The following FBXO15 variants were observed in gnomAD, a reference collection of about 807,000 sequenced individuals.
FBXO15 encodes the protein F-box only protein 15.
Under a neutral mutation model 49.5 loss-of-function variants are expected in FBXO15, and 30 were observed. That is an observed-to-expected ratio of 0.61 (90% CI 0.45 to 0.82). The LOEUF (loss-of-function observed/expected upper bound fraction) is 0.82. FBXO15 is among the 40% of genes least tolerant of loss of function. The pLI is 0.00. For missense variants in FBXO15, 591 were observed against 631.5 expected (o/e 0.94, Z 0.69); for synonymous variants, 250 against 232.7 (o/e 1.07, Z -0.68).
At chr18:74,115,685 T>C (rs893680661) in intron 8 of FBXO15, among the ~76,000 whole-genome samples, 1 of 152,238 alleles carries the variant, frequency 6.6e-6, no homozygotes, top group Non-Finnish European at 1.5e-5. Context: ...AAGAAATACA[T>C]ATGTATCTTT....
intron 8 of FBXO15, among the ~76,000 whole-genome samples, chr18:74,084,492 T>G (rs755293891): frequency 6.6e-6 from 1 of 152,250 alleles, no homozygotes; most frequent in African/African-American, 2.4e-5. Context: ...ATACTGCTGA[T>G]AGTTTCACAA....
At chr18:74,147,534 T>G (rs1979515317) in intron 1 of FBXO15, 136 bp downstream of exon 1, 1 of 1,283,792 alleles carries the variant, frequency 7.8e-7, no homozygotes, top group East Asian at 3.1e-5. Flanking sequence ...CGGTCGTTCT[T>G]CCATACCCTT....
intron 8 of FBXO15, among the ~76,000 whole-genome samples, chr18:74,087,487 G>A (rs1024281393): frequency 2.0e-5 from 3 of 152,076 alleles, no homozygotes; most frequent in Non-Finnish European, 1.5e-5. Context: ...AAGAACATAC[G>A]GTATTTTGTT....
At chr18:74,143,524 C>CCAGGAATT (rs1192337222) in intron 1 of FBXO15, among the ~76,000 whole-genome samples, 1 of 152,232 alleles carries the variant, frequency 6.6e-6, no homozygotes, top group African/African-American at 2.4e-5. Context: ...CTCTTTTAAG[C>CCAGGAATT]CAGGAATTCC....
Position 74,146,877 on chromosome 18 carries a change from T to C in FBXO15, c.116+793A>G, listed in dbSNP as rs1365666810. Among the ~76,000 whole-genome samples the C allele has an allele frequency of 3.3e-5, 5 of 152,266 alleles. No individual in the cohort carries two copies. In the East Asian group the frequency reaches 7.7e-4, roughly 24 times the overall value. The stretch of plus-strand genomic sequence containing the variant: ...TTAGAAGGCAAAATATGCATGACTT[T>C]CCCTATTTATAAATCAAGGAGTCTT... On this transcript the variant is annotated intron_variant, in intron 1 of 9. Coordinates refer to ENST00000419743, the MANE Select transcript of FBXO15 (RefSeq NM_001142958.2).
At chr18:74,101,790 A>G (rs2145146860) in intron 8 of FBXO15, among the ~76,000 whole-genome samples, 1 of 152,314 alleles carries the variant, frequency 6.6e-6, no homozygotes, top group East Asian at 1.9e-4. Context: ...GGAACAGAAT[A>G]GAGAATCCAG....
chr18:74,098,742 A>G (rs954536916), intron 8 of FBXO15: 1 of 152,242 alleles, frequency 6.6e-6, no homozygotes, highest in African/African-American at 2.4e-5. Flanking sequence ...AGACCTAGAC[A>G]TCCAAATATA....
chr18:74,116,444 A>T (rs184917289), intron 8 of FBXO15, among the ~76,000 whole-genome samples: 1 of 152,186 alleles, frequency 6.6e-6, no homozygotes, highest in Non-Finnish European at 1.5e-5. Context: ...TGGTGGACTT[A>T]ATTGGAGCAT....
chr18:74,138,208 A>G (rs1192887613), intron 2 of FBXO15, among the ~76,000 whole-genome samples: 1 of 152,144 alleles, frequency 6.6e-6, no homozygotes, highest in Non-Finnish European at 1.5e-5. Flanking sequence ...ACAAAAGAAA[A>G]CAAAACACTT....
intron 8 of FBXO15, among the ~76,000 whole-genome samples, chr18:74,111,093 C>A (rs1385367172): frequency 6.6e-6 from 1 of 151,760 alleles, no homozygotes; most frequent in Non-Finnish European, 1.5e-5. Context: ...CATCATACAA[C>A]AAGAGCAGAA....
Position 74,147,725 on chromosome 18 carries a change from C to T in FBXO15, c.61G>A (p.Gly21Arg). 1.3e-6 allele frequency: 2 copies of T among 1,534,556 alleles called. No homozygotes were observed. The highest frequency in any genetic ancestry group is 2.4e-5 in the South Asian group (2 of 83,098). Residue 21 changes from glycine (G) to arginine (R), a missense_variant, in exon 1 of 10, where the codon GGG becomes AGG. Physicochemically the swap from Gly to Arg is moderately radical, Grantham distance 125. Coordinates refer to ENST00000419743, the MANE Select transcript of FBXO15 (RefSeq NM_001142958.2). Reference protein sequence around the residue: ...QHWLGLQTLRGPSRGGGAARG... With the variant: ...QHWLGLQTLRRPSRGGGAARG... ...GCCGCGCCACCGCCCCTGCTGGGCC[C>T]GCGCAGCGTCTGGAGGCCGAGCCAG...
At chr18:74,116,996 A>C (rs1914260517) in intron 8 of FBXO15, among the ~76,000 whole-genome samples, 1 of 152,134 alleles carries the variant, frequency 6.6e-6, no homozygotes, top group Non-Finnish European at 1.5e-5. Context: ...ATAGGGAGAA[A>C]GGCTTTTTTA....
chr18:74,093,046 A>G (rs767326866), intron 8 of FBXO15, among the ~76,000 whole-genome samples: 5 of 152,084 alleles, frequency 3.3e-5, no homozygotes, highest in African/African-American at 1.2e-4. Context: ...ACCTCCATGC[A>G]TGTGTTCATA....
intron 1 of FBXO15, among the ~76,000 whole-genome samples, chr18:74,143,343 T>C (rs1979205382): frequency 6.6e-6 from 1 of 152,206 alleles, no homozygotes; most frequent in South Asian, 2.1e-4. Context: ...GATGGATCAA[T>C]TTTAATCTAG....
At chr18:74,118,413 CAT>C (rs35545136) in intron 8 of FBXO15, among the ~76,000 whole-genome samples, 32,781 of 139,804 alleles carry the variant, frequency 0.23, 5,558 homozygotes, top group African/African-American at 0.5. Context: ...CATATATACA[CAT>C]ATATATATAT....
intron 8 of FBXO15, chr18:74,098,716 T>G (rs1913388028): frequency 6.6e-6 from 1 of 152,194 alleles, no homozygotes; most frequent in Non-Finnish European, 1.5e-5. Context: ...CCGGGAAACT[T>G]CACTGGCCTT....
chr18:74,092,299 C>A (rs1178539224), intron 8 of FBXO15, among the ~76,000 whole-genome samples: 2 of 152,126 alleles, frequency 1.3e-5, no homozygotes, highest in Non-Finnish European at 2.9e-5. Context: ...CCTTAGATTT[C>A]TTGGATTGGG....
chr18:74,135,686 G>C, intron 3 of FBXO15, 76 bp downstream of exon 3: 1 of 1,133,436 alleles, frequency 8.8e-7, no homozygotes. Context: ...CTTAAAAATG[G>C]TTAAAAAGTT....
chr18:74,103,566 C>T (rs1161661262), intron 8 of FBXO15, among the ~76,000 whole-genome samples: 1 of 151,926 alleles, frequency 6.6e-6, no homozygotes, highest in South Asian at 2.1e-4. Flanking sequence ...TACTCCAGGA[C>T]ATATAATAAT....
Sources: allele counts gnomAD v4.1 joint callset (sites outside exome capture counted in the v4.1 genomes callset), GRCh38; gene constraint gnomAD v4.1.1; transcripts MANE v1.5; gene names NCBI Gene and HGNC (gene_info 2026-07-23, HGNC 2026-07-21).